USP25: variants seen among roughly 807,000 people sequenced by gnomAD.
The protein encoded by USP25 is ubiquitin specific peptidase 25.
USP25 carries 85 observed loss-of-function variants against 158.5 expected under a neutral mutation model. That is an observed-to-expected ratio of 0.54 (90% CI 0.45 to 0.64). The LOEUF is 0.64. Among genes scored for constraint, USP25 ranks in the 30% least tolerant of loss-of-function variants. The pLI, the probability that USP25 is intolerant of heterozygous loss-of-function variation, is 0.00. For synonymous variants in USP25, 464 were observed against 460.4 expected, an observed-to-expected ratio of 1.01 and a Z score of -0.10; for missense variants, 1,242 against 1,327.3, an observed-to-expected ratio of 0.94 and a Z score of 1.00.
At chr21:15,772,255 G>C (rs981063612) in intron 3 of USP25, among the ~76,000 whole-genome samples, 6 of 152,116 alleles carry the variant, frequency 3.9e-5, no homozygotes, top group Non-Finnish European at 8.8e-5. Context: ...TTTTACTCAT[G>C]GTATTCCTTT....
At chr21:15,789,791 T>C (rs1274726630) in intron 4 of USP25, among the ~76,000 whole-genome samples, 1 of 152,062 alleles carries the variant, frequency 6.6e-6, no homozygotes, top group Non-Finnish European at 1.5e-5. Flanking sequence ...ACATATATAT[T>C]ACAAAAGGAA....
At chr21:15,765,033 A>C (rs1255997125) in intron 2 of USP25, among the ~76,000 whole-genome samples, 1 of 152,100 alleles carries the variant, frequency 6.6e-6, no homozygotes, top group East Asian at 1.9e-4. Context: ...GTCTATTCTT[A>C]ATACATGGAG....
rs1555847479 is a variant in USP25 at position 15,824,019 on chromosome 21, A to G, written c.1081-20A>G. ...CAAAGGTGGTATTAAAGTTTTTGTTATTGTTTTATTTCCTTTCAGCATTGG... is the reference window on the plus strand; with the variant it reads ...CAAAGGTGGTATTAAAGTTTTTGTTGTTGTTTTATTTCCTTTCAGCATTGG... On this transcript the variant is annotated intron_variant, in intron 10 of 25. Coordinates refer to ENST00000400183, the MANE Select transcript of USP25 (RefSeq NM_001283041.3). The G allele has an allele frequency of 3.6e-5, 58 of 1,604,134 alleles. 2 individuals carry two copies. The South Asian group carries it at 6.5e-4, about 18-fold the overall frequency.
intron 6 of USP25, among the ~76,000 whole-genome samples, chr21:15,800,915 A>T (rs2146254713): frequency 6.6e-6 from 1 of 151,646 alleles, no homozygotes; most frequent in African/African-American, 2.4e-5. Context: ...TGGGCTGTAG[A>T]GTGTCAGGCT....
Position 15,814,937 on chromosome 21 carries a change from T to C in USP25, c.931+3727T>C, listed in dbSNP as rs143801107. On this transcript the variant is annotated intron_variant, in intron 9 of 25. Coordinates refer to ENST00000400183, the MANE Select transcript of USP25 (RefSeq NM_001283041.3). Reference sequence around the variant, plus strand: ...CAATAGGGAAAATGTCTCCAGGATATGTTATAGGTCTTCCTGGCAGCCCCT... The same window carrying C: ...CAATAGGGAAAATGTCTCCAGGATACGTTATAGGTCTTCCTGGCAGCCCCT... Among the ~76,000 whole-genome samples, 295 of 152,186 alleles carry C rather than the reference T, an allele frequency of 1.9e-3. 3 individuals carry two copies. The highest frequency in any genetic ancestry group is 7.0e-3 in the African/African-American group (291 of 41,512).
rs1186077733 is a variant in USP25, at chr21:15,827,753, TGTGTGC to T, written c.1693+562_1693+567del. On this transcript the variant is annotated intron_variant, in intron 14 of 25. Coordinates refer to ENST00000400183, the MANE Select transcript of USP25 (RefSeq NM_001283041.3). ...GTGCTCTGGGTGGGGTGTGTGCACTTGTGTGCGTGTGCGTGTGTGTGTGTGTGTGTG... is the reference window on the plus strand; with the variant it reads ...GTGCTCTGGGTGGGGTGTGTGCACTTGTGTGCGTGTGTGTGTGTGTGTGTG... Among the ~76,000 whole-genome samples, 14 of 134,444 alleles carry T rather than the reference TGTGTGC, an allele frequency of 1.0e-4. 1 individual carries two copies. In the South Asian group the frequency reaches 1.2e-3, roughly 12 times the overall value. 88.2% of individuals were successfully genotyped at this position (134,444 alleles called of 152,430 possible). A position where few individuals can be genotyped will look rare whatever the true frequency, so the allele number is the denominator to read the frequency against.
rs558212461 is a variant in USP25 at position 15,835,078 on chromosome 21, G to A, written c.2194+1530G>A. Among the ~76,000 whole-genome samples the A allele has an allele frequency of 7.9e-5, 12 of 152,288 alleles. No homozygotes were observed. In the South Asian group the frequency reaches 1.0e-3, roughly 13 times the overall value. ...GAACCTGCCCCAAGATGGAGCTACTGTGTTATTGTTCCCTTAACATTTACT... is the reference window on the plus strand; with the variant it reads ...GAACCTGCCCCAAGATGGAGCTACTATGTTATTGTTCCCTTAACATTTACT... On this transcript the variant is annotated intron_variant, in intron 17 of 25. Transcript: ENST00000400183.
Position 15,878,419 on chromosome 21 carries a change from G to C in USP25, c.3322G>C (p.Glu1108Gln). The stretch of plus-strand genomic sequence containing the variant: ...TTCATATTCCACGCATGAACTCTGT[G>C]AGCGATTTGCCCGAATCATGTTGTC... ...LPSYSTHELCERFARIMLSLS... is the reference protein window; with the variant it reads ...LPSYSTHELCQRFARIMLSLS... The change falls in exon 26 of 26, where the codon GAG becomes CAG. Residue 1108 changes from glutamate to glutamine, a missense_variant. By Grantham distance (29) the Glu-to-Gln change is conservative. Around this residue, in one of 3 missense-constraint regions of USP25, gnomAD observed 608 missense variants for 605.2 expected, o/e 1.00. Transcript: ENST00000400183. The C allele has an allele frequency of 1.2e-6, 2 of 1,614,032 alleles. No homozygotes were observed. The highest frequency in any genetic ancestry group is 1.7e-6 in the Non-Finnish European group (2 of 1,179,938).
rs548271115 is a variant in USP25, at chr21:15,839,108, T to C, written c.2195-3290T>C. Reference sequence around the variant, plus strand: ...GGAATAAGGATATTATTTACCTCCATAGAGAACTGGTCATTCATGGTGAAA... The same window carrying C: ...GGAATAAGGATATTATTTACCTCCACAGAGAACTGGTCATTCATGGTGAAA... On this transcript the variant is annotated intron_variant, in intron 17 of 25. Transcript: ENST00000400183. 2.0e-5 allele frequency among the ~76,000 whole-genome samples: 3 copies of C among 152,302 alleles called. No homozygotes were observed. In the South Asian group the frequency reaches 6.2e-4, roughly 32 times the overall value.
intron 17 of USP25, 35 bp from the exon 18 acceptor site, chr21:15,842,363 A>T: frequency 6.2e-7 from 1 of 1,605,742 alleles, no homozygotes; most frequent in Non-Finnish European, 8.5e-7. Flanking sequence ...TCTGTGGTTT[A>T]TATTAGATAT....
chr21:15,800,936 C>G (rs376740407), intron 6 of USP25, among the ~76,000 whole-genome samples: 6 of 151,556 alleles, frequency 4.0e-5, no homozygotes, highest in East Asian at 3.9e-4. Context: ...GATAAACAAC[C>G]CATTTTCAAA....
intron 20 of USP25, among the ~76,000 whole-genome samples, chr21:15,857,085 C>G (rs2823509): frequency 0.13 from 19,769 of 152,146 alleles, 1,321 homozygotes; most frequent in East Asian, 0.17. Flanking sequence ...AGGTTTAAAT[C>G]CTAACATTAT....
intron 1 of USP25, among the ~76,000 whole-genome samples, chr21:15,756,677 T>G (rs1185132532): frequency 6.6e-6 from 1 of 152,216 alleles, no homozygotes; most frequent in Non-Finnish European, 1.5e-5. Flanking sequence ...TACTGTATTT[T>G]GCACATAGTA....
At chr21:15,740,627 G>GTTTCT (rs1240176858) in intron 1 of USP25, among the ~76,000 whole-genome samples, 1 of 55,364 alleles carries the variant, frequency 1.8e-5, no homozygotes, top group Non-Finnish European at 4.5e-5. Context: ...TAATCTTCCT[G>GTTTCT]TTTCTTTCTG....
chr21:15,756,682 A>G (rs140041222), intron 1 of USP25, among the ~76,000 whole-genome samples: 359 of 152,336 alleles, frequency 2.4e-3, no homozygotes, highest in African/African-American at 8.2e-3. Flanking sequence ...TATTTTGCAC[A>G]TAGTAGACAC....
chr21:15,754,017 T>G (rs2033208727), intron 1 of USP25, among the ~76,000 whole-genome samples: 1 of 152,028 alleles, frequency 6.6e-6, no homozygotes, highest in Non-Finnish European at 1.5e-5. Context: ...TAATAAAAGT[T>G]GTTGCAACCC....
chr21:15,840,496 G>C (rs779444604), intron 17 of USP25, among the ~76,000 whole-genome samples: 3 of 151,912 alleles, frequency 2.0e-5, no homozygotes, highest in African/African-American at 4.8e-5. Flanking sequence ...AATCTCCCAG[G>C]GTGTCAAATA....
chr21:15,838,993 A>G (rs184525102), intron 17 of USP25, among the ~76,000 whole-genome samples: 5 of 152,200 alleles, frequency 3.3e-5, no homozygotes, highest in African/African-American at 1.2e-4. Context: ...CTAGAGAAGC[A>G]TGGCCGGAAA....
At chr21:15,757,224 T>C (rs549415011) in intron 1 of USP25, among the ~76,000 whole-genome samples, 1 of 152,326 alleles carries the variant, frequency 6.6e-6, no homozygotes, top group East Asian at 1.9e-4. Context: ...GTGGCTTCTC[T>C]AACTTAAACT....
Sources: allele counts gnomAD v4.1 joint callset (sites outside exome capture counted in the v4.1 genomes callset), GRCh38; gene constraint gnomAD v4.1.1; regional missense constraint gnomAD v4.1.1; transcripts MANE v1.5; gene names NCBI Gene and HGNC (gene_info 2026-07-23, HGNC 2026-07-21).